Variants in STK33 observed in about 807,000 individuals in gnomAD.
STK33 encodes the protein serine/threonine-protein kinase 33.
Under a neutral mutation model 58.0 loss-of-function variants are expected in STK33, and 52 were observed. That is an observed-to-expected ratio of 0.90 (90% CI 0.72 to 1.13). STK33 has a LOEUF of 1.13. Among genes scored for constraint, STK33 ranks in the 50% most tolerant of loss-of-function variants. STK33 has a pLI of 0.00. For missense variants in STK33, 630 were observed against 604.2 expected (o/e 1.04, Z -0.45); for synonymous variants, 215 against 200.1 (o/e 1.07, Z -0.63).
At chr11:8,343,888 T>G in the STK33 span, among the ~76,000 whole-genome samples, 1 of 152,028 alleles carries the variant, frequency 6.6e-6, no homozygotes, top group Non-Finnish European at 1.5e-5. Flanking sequence ...TCACCTCACA[T>G]AGCTCCCATT....
intron 1 of STK33, among the ~76,000 whole-genome samples, chr11:8,570,641 G>GA (rs1957744026): frequency 1.3e-5 from 2 of 152,156 alleles, no homozygotes; most frequent in Non-Finnish European, 2.9e-5. Flanking sequence ...CATTTACATA[G>GA]AAAATGCAAA....
intron 1 of STK33, among the ~76,000 whole-genome samples, chr11:8,516,760 T>C (rs1229241712): frequency 3.3e-5 from 5 of 152,290 alleles, no homozygotes; most frequent in African/African-American, 9.6e-5. Flanking sequence ...GAGATTGAAC[T>C]GCAAGGTGGC....
chr11:8,530,365 G>A (rs1954430519), intron 1 of STK33, among the ~76,000 whole-genome samples: 1 of 151,878 alleles, frequency 6.6e-6, no homozygotes, highest in Non-Finnish European at 1.5e-5. Context: ...AAATTTACTG[G>A]TAAGGGAAGA....
intron 12 of STK33, among the ~76,000 whole-genome samples, chr11:8,436,422 G>C (rs998224846): frequency 2.0e-5 from 3 of 152,144 alleles, no homozygotes; most frequent in Non-Finnish European, 4.4e-5. Flanking sequence ...TTGCAGGTGG[G>C]GAAACACTAA....
chr11:8,355,121 G>C, the STK33 span, among the ~76,000 whole-genome samples: 2 of 152,184 alleles, frequency 1.3e-5, no homozygotes, highest in East Asian at 3.9e-4. Flanking sequence ...TGTGAGGGTG[G>C]GGCTTTTCCC....
chr11:8,562,146 T>A (rs181664203), intron 1 of STK33, among the ~76,000 whole-genome samples: 3 of 152,352 alleles, frequency 2.0e-5, no homozygotes, highest in East Asian at 3.9e-4. Context: ...TAATTCTTAA[T>A]CTGAAATGTA....
At chr11:8,477,505 A>C (rs1037703662) in intron 2 of STK33, among the ~76,000 whole-genome samples, 1 of 152,172 alleles carries the variant, frequency 6.6e-6, no homozygotes, top group African/African-American at 2.4e-5. Flanking sequence ...AATTGTAAGA[A>C]GTATTCGTAA....
intron 15 of STK33, among the ~76,000 whole-genome samples, chr11:8,398,384 T>TA (rs1849756325): frequency 6.6e-6 from 1 of 152,098 alleles, no homozygotes; most frequent in African/African-American, 2.4e-5. Flanking sequence ...GAAAGAGAAA[T>TA]AAAATCCTTC....
At chr11:8,437,577 G>A (rs10840046) in intron 12 of STK33, among the ~76,000 whole-genome samples, 4,824 of 152,182 alleles carry the variant, frequency 0.032, 94 homozygotes, top group African/African-American at 0.058. Flanking sequence ...TTCCCAAACT[G>A]CTGGTCTACA....
At position 8,415,023 on chromosome 11, in the gene STK33, C is replaced by T. The variant is rs74503748; in HGVS notation, c.1147-1331G>A. 4.7e-4 allele frequency among the ~76,000 whole-genome samples: 72 copies of T among 152,166 alleles called. 1 individual carries two copies. In the East Asian group the frequency reaches 0.013, roughly 28 times the overall value. ...TAGAATGGTAGATAGTCTCAGAGCA[C>T]TCATCTGAACGGGTTCTGCTCTCCA... On this transcript the variant is annotated intron_variant, in intron 14 of 15. Coordinates refer to ENST00000687296, the MANE Select transcript of STK33 (RefSeq NM_001352389.2).
intron 12 of STK33, among the ~76,000 whole-genome samples, chr11:8,438,907 T>C (rs546751826): frequency 6.6e-6 from 1 of 152,242 alleles, no homozygotes; most frequent in Non-Finnish European, 1.5e-5. Flanking sequence ...TTTTATACTT[T>C]ATGTAATCTA....
intron 1 of STK33, among the ~76,000 whole-genome samples, chr11:8,558,969 G>C (rs375112485): frequency 1.1e-4 from 16 of 152,240 alleles, no homozygotes; most frequent in African/African-American, 2.6e-4. Context: ...TGAGCCCAAT[G>C]AAATCACAAG....
chr11:8,393,161 T>C (rs78038342), intron 15 of STK33, among the ~76,000 whole-genome samples: 25 of 152,348 alleles, frequency 1.6e-4, no homozygotes, highest in African/African-American at 5.8e-4. Context: ...TCTTCCCACA[T>C]TAATTCCAGA....
chr11:8,364,959 A>G, the STK33 span, among the ~76,000 whole-genome samples: 1 of 132,808 alleles, frequency 7.5e-6, no homozygotes, highest in Non-Finnish European at 1.5e-5. Flanking sequence ...GCAAATCCCT[A>G]TGCTCACAAA....
At chr11:8,499,692 C>T (rs1047078365) in intron 1 of STK33, among the ~76,000 whole-genome samples, 2 of 152,116 alleles carry the variant, frequency 1.3e-5, no homozygotes, top group African/African-American at 4.8e-5. Context: ...CAATGACAAA[C>T]TGGATAAAGA....
the STK33 span, among the ~76,000 whole-genome samples, chr11:8,382,276 T>A: frequency 9.5e-3 from 1,446 of 152,330 alleles, 14 homozygotes; most frequent in Non-Finnish European, 0.017. Context: ...GCTGGGCAGC[T>A]GCCGCCACAG....
chr11:8,483,891 T>C (rs1023364823), intron 1 of STK33, among the ~76,000 whole-genome samples: 1 of 152,180 alleles, frequency 6.6e-6, no homozygotes, highest in Non-Finnish European at 1.5e-5. Flanking sequence ...ATTTTATACA[T>C]ATATACACAC....
intron 1 of STK33, among the ~76,000 whole-genome samples, chr11:8,572,823 C>T (rs1239097002): frequency 6.6e-6 from 1 of 151,798 alleles, no homozygotes; most frequent in Non-Finnish European, 1.5e-5. Context: ...AGATCAGATA[C>T]TGCCGAAGAA....
chr11:8,580,850 T>C (rs1268693841), intron 1 of STK33: 2 of 152,166 alleles, frequency 1.3e-5, no homozygotes, highest in Non-Finnish European at 2.9e-5. Flanking sequence ...CTCTCCCCTC[T>C]GAATTCCAGC....
Sources: gnomAD v4.1 joint callset for allele counts (sites outside exome capture counted in the v4.1 genomes callset) on GRCh38, gnomAD v4.1.1 for gene constraint, MANE v1.5 for transcripts, NCBI Gene and HGNC (gene_info 2026-07-23, HGNC 2026-07-21) for gene names.